PATJ: variants seen among roughly 807,000 people sequenced by gnomAD.
The protein encoded by PATJ is inaD-like protein.
A neutral mutation model predicts 224.9 loss-of-function variants in PATJ; 190 were observed. The observed-to-expected ratio is 0.84, with a 90% CI of 0.75 to 0.95. The LOEUF is 0.95. Among genes scored for constraint, PATJ ranks in the 40% least tolerant of loss-of-function variants. The pLI is 0.00. For synonymous variants in PATJ, 769 were observed against 820.3 expected, an observed-to-expected ratio of 0.94 and a Z score of 1.07; for missense variants, 2,121 against 2,270.3, an observed-to-expected ratio of 0.93 and a Z score of 1.34.
In PATJ at chr1:62,026,462, T is replaced by TTGTGTGTG. The variant is rs200824830; in HGVS notation, c.3959+8533_3959+8540dup. On this transcript the variant is annotated intron_variant, in intron 29 of 43. Transcript: ENST00000642238. ...GTTGATGTGTTCATTTATTCAACAT[T>TTGTGTGTG]TGTGTGTGTGTGTGTGTGTGTGTGT... Among the ~76,000 whole-genome samples the TTGTGTGTG allele has an allele frequency of 3.0e-3, 366 of 123,554 alleles. 2 individuals are homozygous for TTGTGTGTG. The highest frequency in any genetic ancestry group is 5.5e-3 in the African/African-American group (171 of 30,824). 81.1% of individuals were successfully genotyped at this position (123,554 alleles called of 152,430 possible).
intron 27 of PATJ, among the ~76,000 whole-genome samples, chr1:61,943,653 T>C (rs1557915436): frequency 6.6e-6 from 1 of 152,070 alleles, no homozygotes; most frequent in Non-Finnish European, 1.5e-5. Context: ...ACTCCACCTC[T>C]GGGGGCAGGG....
intron 31 of PATJ, among the ~76,000 whole-genome samples, chr1:62,066,667 C>G (rs1656490102): frequency 6.6e-6 from 1 of 152,176 alleles, no homozygotes; most frequent in African/African-American, 2.4e-5. Flanking sequence ...ACTGCACAGA[C>G]AAAATCAACC....
intron 31 of PATJ, among the ~76,000 whole-genome samples, chr1:62,067,893 C>T (rs140286911): frequency 4.6e-5 from 7 of 152,274 alleles, no homozygotes; most frequent in African/African-American, 1.4e-4. Flanking sequence ...TTCTGCCTCC[C>T]GGGCTCAAGC....
At chr1:62,050,010 GGAGGCT>G (rs1271066138) in intron 30 of PATJ, among the ~76,000 whole-genome samples, 1 of 151,728 alleles carries the variant, frequency 6.6e-6, no homozygotes, top group Admixed American at 6.6e-5. Context: ...CAGCTACTCA[GGAGGCT>G]GAGGCACAAG....
In PATJ at chr1:62,148,496, G is replaced by T. The variant is rs904435009; in HGVS notation, c.5378+106G>T. ...TAAAGGAGAAGTGGCCAAAGCGCCC[G>T]TGACTTTTTCTAAATTCTAGGGAAT... On this transcript the variant is annotated intron_variant, in intron 42 of 43. Transcript: ENST00000642238. The T allele has an allele frequency of 1.2e-5, 9 of 768,676 alleles. No individual in the cohort carries two copies. In the Admixed American group the frequency reaches 1.8e-4, roughly 15 times the overall value. 47.6% of individuals were successfully genotyped at this position (768,676 alleles called of 1,614,324 possible).
At chr1:61,880,010 G>T (rs2149051867) in intron 21 of PATJ, among the ~76,000 whole-genome samples, 1 of 152,000 alleles carries the variant, frequency 6.6e-6, no homozygotes, top group South Asian at 2.1e-4. Flanking sequence ...GGCTAATTTT[G>T]TATTTTTAGT....
chr1:62,127,071 G>A (rs1665789493), intron 39 of PATJ, among the ~76,000 whole-genome samples: 2 of 140,520 alleles, frequency 1.4e-5, no homozygotes, highest in Admixed American at 6.8e-5. Flanking sequence ...GGGAATATGC[G>A]GGCCAGTTTA....
intron 33 of PATJ, among the ~76,000 whole-genome samples, chr1:62,106,115 C>T (rs12563269): frequency 0.16 from 7,163 of 45,508 alleles, 1,291 homozygotes; most frequent in African/African-American, 0.26. Flanking sequence ...CACACACACA[C>T]ACACAAACAC....
Position 62,160,879 on chromosome 1 carries a change from G to T in PATJ, c.5503-29G>T, listed in dbSNP as rs747692424. On this transcript the variant is annotated intron_variant, in intron 43 of 43. Coordinates refer to ENST00000642238, the MANE Select transcript of PATJ (RefSeq NM_001350145.3). Reference sequence around the variant, plus strand: ...TTAATATAAACTGTGTTTTACCCTGGATTAAACTGAAATGTTTCTTGTTTG... The same window carrying T: ...TTAATATAAACTGTGTTTTACCCTGTATTAAACTGAAATGTTTCTTGTTTG... The T allele has an allele frequency of 1.9e-6, 3 of 1,611,816 alleles. No individual in the cohort carries two copies. In the Admixed American group the frequency reaches 5.0e-5, roughly 27 times the overall value.
At chr1:61,831,407 T>C (rs1659298482) in intron 16 of PATJ, among the ~76,000 whole-genome samples, 2 of 151,902 alleles carry the variant, frequency 1.3e-5, no homozygotes, top group African/African-American at 4.8e-5. Context: ...ACCTACAGAC[T>C]GAGAGAAAAT....
chr1:61,908,629 A>T, intron 25 of PATJ, 147 bp downstream of exon 25: 1 of 602,646 alleles, frequency 1.7e-6, no homozygotes. Flanking sequence ...TTTAGTCATA[A>T]GGTTCCCTTT....
At chr1:62,021,451 T>C (rs1173713896) in intron 29 of PATJ, among the ~76,000 whole-genome samples, 2 of 152,184 alleles carry the variant, frequency 1.3e-5, no homozygotes, top group African/African-American at 2.4e-5. Flanking sequence ...TCAATTACAG[T>C]GTGTGGCATA....
chr1:62,113,825 G>T (rs1339426374), intron 34 of PATJ, among the ~76,000 whole-genome samples: 1 of 152,168 alleles, frequency 6.6e-6, no homozygotes, highest in Non-Finnish European at 1.5e-5. Context: ...ATGTAAAATT[G>T]CATTATCATG....
chr1:62,159,309 A>G (rs1669612295), intron 43 of PATJ, among the ~76,000 whole-genome samples: 1 of 152,118 alleles, frequency 6.6e-6, no homozygotes, highest in African/African-American at 2.4e-5. Context: ...CTCCAGCCTC[A>G]GCCTCCCAAG....
chr1:62,143,330 T>C, intron 41 of PATJ, among the ~76,000 whole-genome samples: 1 of 151,750 alleles, frequency 6.6e-6, no homozygotes, highest in African/African-American at 2.4e-5. Flanking sequence ...TTGAAGGAGA[T>C]GAATTGTTAG....
chr1:62,065,651 T>C (rs1374558051), intron 31 of PATJ, among the ~76,000 whole-genome samples: 2 of 152,218 alleles, frequency 1.3e-5, no homozygotes, highest in African/African-American at 4.8e-5. Context: ...CTAGCTTACA[T>C]TCATTCCCAA....
intron 24 of PATJ, among the ~76,000 whole-genome samples, chr1:61,907,323 G>A (rs867651577): frequency 1.2e-4 from 18 of 152,128 alleles, no homozygotes; most frequent in Admixed American, 9.8e-4. Flanking sequence ...TTCAGGTTTC[G>A]TTGAGAAAAT....
chr1:61,814,542 G>GTGTA (rs1256853027), intron 14 of PATJ, among the ~76,000 whole-genome samples: 1 of 139,478 alleles, frequency 7.2e-6, no homozygotes, highest in Non-Finnish European at 1.5e-5. Context: ...GTGTGTGTGT[G>GTGTA]TGTGTGCGCG....
chr1:61,808,456 T>A lies in PATJ; in HGVS notation c.1627-18T>A. 1.3e-6 allele frequency: 2 copies of A among 1,528,180 alleles called. No individual in the cohort carries two copies. Among genetic ancestry groups the A allele is most frequent in the Non-Finnish European group, 1.8e-6 (2 of 1,104,920 alleles). The allele number at this position is 1,528,180 out of a possible 1,614,324, so 94.7% of individuals were successfully genotyped here. A position where few individuals can be genotyped will look rare whatever the true frequency, so the allele number is the denominator to read the frequency against. ...GTTATGCTTTTACAAATACTGGAAA[T>A]TTTTTTTGTAAATTTAGGTTGCTAC... is the stretch of plus-strand genomic sequence containing the variant. On this transcript the variant is annotated intron_variant, in intron 13 of 43. Transcript: ENST00000642238.
Sources: allele counts gnomAD v4.1 joint callset (sites outside exome capture counted in the v4.1 genomes callset), GRCh38; gene constraint gnomAD v4.1.1; transcripts MANE v1.5; gene names NCBI Gene and HGNC (gene_info 2026-07-23, HGNC 2026-07-21).